ANKS1B: variants seen among roughly 807,000 people sequenced by gnomAD.
ANKS1B encodes the protein ankyrin repeat and sterile alpha motif domain-containing protein 1B.
Under a neutral mutation model 148.3 loss-of-function variants are expected in ANKS1B, and 36 were observed. That is an observed-to-expected ratio of 0.24 (90% CI 0.19 to 0.32). ANKS1B has a LOEUF of 0.32. Ranked by LOEUF, ANKS1B falls within the 10% of genes least tolerant of loss-of-function variation. The pLI is 1.00. For missense variants in ANKS1B, 1,157 were observed against 1,542.6 expected, an observed-to-expected ratio of 0.75 and a Z score of 4.19; for synonymous variants, 542 against 560.8, an observed-to-expected ratio of 0.97 and a Z score of 0.47.
chr12:99,588,808 A>G (rs939293763), intron 9 of ANKS1B, among the ~76,000 whole-genome samples: 6 of 152,144 alleles, frequency 3.9e-5, no homozygotes, highest in African/African-American at 1.2e-4. Context: ...ATCTTATCTT[A>G]AGTTTAGTGC....
At chr12:98,918,287 G>A (rs1327476499) in intron 17 of ANKS1B, among the ~76,000 whole-genome samples, 2 of 152,228 alleles carry the variant, frequency 1.3e-5, no homozygotes, top group Non-Finnish European at 2.9e-5. Flanking sequence ...TGTGGGAACA[G>A]AAACTGAGAA....
At chr12:99,889,589 T>C (rs182570966) in intron 1 of ANKS1B, among the ~76,000 whole-genome samples, 7 of 152,232 alleles carry the variant, frequency 4.6e-5, no homozygotes, top group Non-Finnish European at 5.9e-5. Flanking sequence ...AAAAACTCAT[T>C]TTCCCCAAAT....
At chr12:98,891,731 C>T (rs922100491) in intron 17 of ANKS1B, among the ~76,000 whole-genome samples, 8 of 151,644 alleles carry the variant, frequency 5.3e-5, no homozygotes, top group African/African-American at 1.9e-4. Context: ...TCACTCAATG[C>T]ATATTCACTC....
intron 17 of ANKS1B, among the ~76,000 whole-genome samples, chr12:98,942,365 A>G (rs894153844): frequency 9.2e-5 from 14 of 152,214 alleles, no homozygotes; most frequent in African/African-American, 3.4e-4. Flanking sequence ...TGACTTTTTG[A>G]GCCAGGGCTT....
At chr12:99,906,009 G>A (rs1231941411) in intron 1 of ANKS1B, among the ~76,000 whole-genome samples, 1 of 152,200 alleles carries the variant, frequency 6.6e-6, no homozygotes, top group Non-Finnish European at 1.5e-5. Flanking sequence ...GTCATATAGA[G>A]TTATTTGGTT....
In ANKS1B at chr12:99,601,036, T is replaced by C. The variant is rs186954224; in HGVS notation, c.1272+54031A>G. Among the ~76,000 whole-genome samples the C allele has an allele frequency of 7.0e-4, 107 of 152,186 alleles. 1 individual carries two copies. The highest frequency in any genetic ancestry group is 1.1e-3 in the Non-Finnish European group (77 of 67,984). On this transcript the variant is annotated intron_variant, in intron 9 of 26. Coordinates refer to ENST00000683438, the MANE Select transcript of ANKS1B (RefSeq NM_001352186.2). ...GCCAGATAGTAGTCATAATGCATCT[T>C]CAATATTTCTGCCATAATTGTAAAA...
rs550072356 is a variant in ANKS1B at position 99,664,046 on chromosome 12, T to C, written c.1129-8836A>G. 1.1e-4 allele frequency among the ~76,000 whole-genome samples: 17 copies of C among 152,252 alleles called. 1 individual carries two copies. The South Asian group carries it at 3.5e-3, about 32-fold the overall frequency. On this transcript the variant is annotated intron_variant, in intron 8 of 26. Coordinates refer to ENST00000683438, the MANE Select transcript of ANKS1B (RefSeq NM_001352186.2). ...CTTACCTAGTAATTAATACTGTTTA[T>C]TATTTCAATATTAGAAAGAGCTAAG...
intron 1 of ANKS1B, among the ~76,000 whole-genome samples, chr12:99,836,169 C>A (rs1301948889): frequency 6.6e-6 from 1 of 152,152 alleles, no homozygotes; most frequent in Non-Finnish European, 1.5e-5. Context: ...ATCCAGTCCA[C>A]TGTTTGTTTT....
intron 14 of ANKS1B, among the ~76,000 whole-genome samples, chr12:99,218,074 T>C (rs2084507697): frequency 6.6e-6 from 1 of 152,100 alleles, no homozygotes; most frequent in South Asian, 2.1e-4. Flanking sequence ...ATTCCAAGGA[T>C]GTGAGGGGAC....
intron 12 of ANKS1B, among the ~76,000 whole-genome samples, chr12:99,349,994 A>G (rs2091218966): frequency 6.6e-6 from 1 of 152,028 alleles, no homozygotes; most frequent in Non-Finnish European, 1.5e-5. Flanking sequence ...ACCTATTGAT[A>G]TGGTTTGGAT....
At chr12:98,848,243 G>C (rs1264585563) in intron 17 of ANKS1B, among the ~76,000 whole-genome samples, 1 of 152,126 alleles carries the variant, frequency 6.6e-6, no homozygotes, top group Non-Finnish European at 1.5e-5. Flanking sequence ...CACACACAGT[G>C]AGGAATTATT....
At position 99,836,270 on chromosome 12, in the gene ANKS1B, T is replaced by C. The variant is rs114278086; in HGVS notation, c.135-10881A>G. On this transcript the variant is annotated intron_variant, in intron 1 of 26. Transcript: ENST00000683438. ...AAAATAACTGCAAACGTTGGCTTTG[T>C]AGTAAATACATGTCTATTTGAGTCA... 7.9e-3 allele frequency among the ~76,000 whole-genome samples: 1,196 copies of C among 152,172 alleles called. 16 individuals carry two copies. Among genetic ancestry groups the C allele is most frequent in the African/African-American group, 0.027 (1,131 of 41,538 alleles).
At position 99,984,266 on chromosome 12, in the gene ANKS1B, C is replaced by G. The variant is rs1375072526; in HGVS notation, c.-29G>C. The G allele has an allele frequency of 6.3e-6, 10 of 1,598,698 alleles. No individual in the cohort carries two copies. Among genetic ancestry groups the G allele is most frequent in the Non-Finnish European group, 8.5e-6 (10 of 1,171,732 alleles). Reference sequence around the variant, plus strand: ...CTCTCACCGACTCCCCCACAGAGTCCTTGCCCCCCTCGGGTCCTCCTCCCC... The same window carrying G: ...CTCTCACCGACTCCCCCACAGAGTCGTTGCCCCCCTCGGGTCCTCCTCCCC... On this transcript the variant is annotated 5_prime_UTR_variant, in exon 1 of 27. Coordinates refer to ENST00000683438, the MANE Select transcript of ANKS1B (RefSeq NM_001352186.2).
intron 17 of ANKS1B, among the ~76,000 whole-genome samples, chr12:98,964,499 T>C (rs2099876114): frequency 6.6e-6 from 1 of 152,214 alleles, no homozygotes; most frequent in South Asian, 2.1e-4. Context: ...CTTATCTCTG[T>C]ACTCCCATAT....
chr12:99,733,390 G>A (rs1422959696), intron 8 of ANKS1B, among the ~76,000 whole-genome samples: 1 of 152,172 alleles, frequency 6.6e-6, no homozygotes, highest in Non-Finnish European at 1.5e-5. Flanking sequence ...AGCCACTTAT[G>A]AGTGAGAAAA....
rs2073920984 is a variant in ANKS1B at position 99,246,781 on chromosome 12, G to A, written c.1840C>T (p.Pro614Ser). Reference protein sequence around the residue: ...QFAGLLHGSSPACESPENPFH... With the variant: ...QFAGLLHGSSSACESPENPFH... ...GGATTTTCAGGGGACTCACAGGCTG[G>A]AGAGGATCCATGGAGCAGGCCTGCA... The change falls in exon 13 of 27, where the codon CCA becomes TCA. Residue 614 changes from proline to serine, a missense_variant. Coordinates refer to ENST00000683438, the MANE Select transcript of ANKS1B (RefSeq NM_001352186.2). 1 of 1,613,554 alleles carries A rather than the reference G, an allele frequency of 6.2e-7. No individual in the cohort carries two copies. Among genetic ancestry groups the A allele is most frequent in the Non-Finnish European group, 8.5e-7 (1 of 1,179,842 alleles).
At chr12:99,536,099 T>C (rs1335652140) in intron 9 of ANKS1B, among the ~76,000 whole-genome samples, 1 of 152,212 alleles carries the variant, frequency 6.6e-6, no homozygotes, top group Non-Finnish European at 1.5e-5. Flanking sequence ...TTATAGGACA[T>C]GTCTTTATTT....
intron 17 of ANKS1B, among the ~76,000 whole-genome samples, chr12:98,993,365 C>T (rs1420371708): frequency 9.9e-5 from 15 of 152,070 alleles, no homozygotes; most frequent in Admixed American, 4.6e-4. Context: ...GATGGGGTTT[C>T]GCTATGTTGG....
intron 20 of ANKS1B, among the ~76,000 whole-genome samples, chr12:98,803,512 G>A (rs1566690392): frequency 6.6e-6 from 1 of 152,182 alleles, no homozygotes; most frequent in African/African-American, 2.4e-5. Flanking sequence ...AGGAGGATCT[G>A]GATGGCTTCC....
Sources: gnomAD v4.1 joint callset for allele counts (sites outside exome capture counted in the v4.1 genomes callset) on GRCh38, gnomAD v4.1.1 for gene constraint, MANE v1.5 for transcripts, NCBI Gene and HGNC (gene_info 2026-07-23, HGNC 2026-07-21) for gene names.